The following GRB10 variants were observed in gnomAD, a reference collection of about 807,000 sequenced individuals.
GRB10 encodes the protein growth factor receptor-bound protein 10.
Under a neutral mutation model 80.9 loss-of-function variants are expected in GRB10, and 20 were observed. The observed-to-expected ratio is 0.25, with a 90% CI of 0.17 to 0.36. The LOEUF is 0.36. Among genes scored for constraint, GRB10 ranks in the 10% least tolerant of loss-of-function variants. The probability of loss-of-function intolerance (pLI) is 1.00; values close to 1 mark genes in which losing one functional copy is unlikely to be tolerated. For synonymous variants in GRB10, 291 were observed against 291.5 expected, an observed-to-expected ratio of 1.00 and a Z score of 0.02; for missense variants, 548 against 747.7, an observed-to-expected ratio of 0.73 and a Z score of 3.12.
intron 5 of GRB10, among the ~76,000 whole-genome samples, chr7:50,689,908 A>G (rs1035786338): frequency 6.6e-6 from 1 of 151,978 alleles, no homozygotes; most frequent in African/African-American, 2.4e-5. Flanking sequence ...TATAAGAAAG[A>G]TAACTCATGC....
chr7:50,644,202 G>C (rs1369733805), intron 7 of GRB10, among the ~76,000 whole-genome samples: 3 of 152,174 alleles, frequency 2.0e-5, no homozygotes, highest in African/African-American at 4.8e-5. Flanking sequence ...GAGCTCAATG[G>C]GTTCAACAAA....
intron 6 of GRB10, among the ~76,000 whole-genome samples, chr7:50,671,651 C>T (rs1457155040): frequency 6.6e-6 from 1 of 152,244 alleles, no homozygotes; most frequent in Non-Finnish European, 1.5e-5. Flanking sequence ...AAACGTCTGG[C>T]CATTGTCATA....
intron 3 of GRB10, among the ~76,000 whole-genome samples, chr7:50,744,686 C>A (rs538324599): frequency 6.6e-6 from 1 of 152,152 alleles, no homozygotes; most frequent in Non-Finnish European, 1.5e-5. Context: ...ACAAGACCCA[C>A]GAGAGGTCAC....
intron 2 of GRB10, among the ~76,000 whole-genome samples, chr7:50,773,842 AATTT>A (rs1183522701): frequency 6.6e-6 from 1 of 152,044 alleles, no homozygotes; most frequent in Non-Finnish European, 1.5e-5. Context: ...CATACAAGGG[AATTT>A]ATTTGTTTGT....
chr7:50,627,838 T>C (rs939659046), intron 7 of GRB10, among the ~76,000 whole-genome samples: 2 of 152,232 alleles, frequency 1.3e-5, no homozygotes, highest in African/African-American at 2.4e-5. Flanking sequence ...AGGGAGCGTG[T>C]TTCCGTCTCT....
At chr7:50,660,896 A>G (rs1210883562) in intron 7 of GRB10, among the ~76,000 whole-genome samples, 1 of 152,144 alleles carries the variant, frequency 6.6e-6, no homozygotes, top group Non-Finnish European at 1.5e-5. Context: ...AGCACCCCTC[A>G]GGGTCCCCAG....
chr7:50,750,219 G>A (rs182759539), intron 3 of GRB10, among the ~76,000 whole-genome samples: 53 of 152,288 alleles, frequency 3.5e-4, no homozygotes, highest in African/African-American at 1.2e-3. Flanking sequence ...ATTCTCTTGG[G>A]AGCTGCCAAG....
chr7:50,770,910 T>C (rs1046229920), intron 2 of GRB10, among the ~76,000 whole-genome samples: 1 of 152,196 alleles, frequency 6.6e-6, no homozygotes, highest in African/African-American at 2.4e-5. Context: ...TACAGCCACA[T>C]AACCACAGCT....
chr7:50,683,880 T>C (rs2061811129), intron 5 of GRB10, among the ~76,000 whole-genome samples: 1 of 152,096 alleles, frequency 6.6e-6, no homozygotes, highest in South Asian at 2.1e-4. Flanking sequence ...ACCCTCCAGG[T>C]GATGCCAAGC....
intron 6 of GRB10, among the ~76,000 whole-genome samples, chr7:50,672,536 C>T (rs1442753818): frequency 1.3e-5 from 2 of 152,144 alleles, no homozygotes; most frequent in Admixed American, 6.5e-5. Flanking sequence ...AGAGAGAAGA[C>T]ATTGGGCCCA....
At chr7:50,608,801 T>TA (rs2048968897) in intron 13 of GRB10, among the ~76,000 whole-genome samples, 1 of 151,686 alleles carries the variant, frequency 6.6e-6, no homozygotes, top group African/African-American at 2.4e-5. Context: ...CCTGTCTCTA[T>TA]AAAAAATACA....
chr7:50,592,720 T>G lies in GRB10; in HGVS notation c.*232A>C. On this transcript the variant is annotated 3_prime_UTR_variant, in exon 19 of 19. Transcript: ENST00000401949. ...TTTCAACTTTCCGCTGGATCTTCCA[T>G]GCCCTCCCCAATTTGGCCGATGCAG... 1 of 572,452 alleles carries G rather than the reference T, an allele frequency of 1.7e-6. No individual in the cohort carries two copies. The highest frequency in any genetic ancestry group is 1.9e-5 in the African/African-American group (1 of 53,538). 35.5% of individuals were successfully genotyped at this position (572,452 alleles called of 1,614,324 possible).
intron 4 of GRB10, 104 bp downstream of exon 4, chr7:50,732,168 G>T: frequency 4.3e-6 from 5 of 1,168,580 alleles, no homozygotes; most frequent in South Asian, 2.4e-5. Flanking sequence ...GTGTCCTAGT[G>T]ACCTGAGAGC....
At chr7:50,775,811 G>A (rs1473660239) in intron 2 of GRB10, among the ~76,000 whole-genome samples, 1 of 152,160 alleles carries the variant, frequency 6.6e-6, no homozygotes, top group Non-Finnish European at 1.5e-5. Context: ...TGCCACCTAG[G>A]CTTATGCCCT....
chr7:50,666,139 C>T (rs1224098702), intron 7 of GRB10, among the ~76,000 whole-genome samples: 2 of 152,206 alleles, frequency 1.3e-5, no homozygotes, highest in African/African-American at 4.8e-5. Context: ...AGAATAATGG[C>T]TGCTCTCTTT....
At chr7:50,690,764 G>A (rs1229932591) in intron 5 of GRB10, among the ~76,000 whole-genome samples, 1 of 152,246 alleles carries the variant, frequency 6.6e-6, no homozygotes, top group African/African-American at 2.4e-5. Context: ...GAGTTGCTGG[G>A]ATAAAGCCCT....
At chr7:50,774,345 T>G (rs1410388826) in intron 2 of GRB10, among the ~76,000 whole-genome samples, 2 of 152,242 alleles carry the variant, frequency 1.3e-5, no homozygotes, top group Non-Finnish European at 2.9e-5. Flanking sequence ...TGTGTGTTTA[T>G]TCATTTCTGC....
intron 3 of GRB10, among the ~76,000 whole-genome samples, chr7:50,746,292 GCATT>G (rs1185213597): frequency 1.3e-5 from 2 of 152,104 alleles, no homozygotes; most frequent in Non-Finnish European, 2.9e-5. Context: ...AAAACACAAA[GCATT>G]ATTAGATCAA....
chr7:50,604,188 C>T, intron 16 of GRB10, 103 bp from the exon 17 acceptor site: 3 of 1,296,326 alleles, frequency 2.3e-6, no homozygotes, highest in Non-Finnish European at 3.4e-6. Flanking sequence ...CCTGACTCCC[C>T]CAGCTACAGC....
Sources: gnomAD v4.1 joint callset for allele counts (sites outside exome capture counted in the v4.1 genomes callset) on GRCh38, gnomAD v4.1.1 for gene constraint, MANE v1.5 for transcripts, NCBI Gene and HGNC (gene_info 2026-07-23, HGNC 2026-07-21) for gene names.